The following GNA14 variants were observed in gnomAD, a reference collection of about 807,000 sequenced individuals.
The protein encoded by GNA14 is guanine nucleotide-binding protein subunit alpha-14.
A neutral mutation model predicts 42.0 loss-of-function variants in GNA14; 50 were observed. The observed-to-expected ratio is 1.19, with a 90% CI of 0.95 to 1.51. The LOEUF (loss-of-function observed/expected upper bound fraction) is 1.51, where lower values mean the gene tolerates loss of function less well. Ranked by LOEUF, GNA14 falls within the 40% of genes most tolerant of loss-of-function variation. GNA14 has a pLI of 0.00. For missense variants in GNA14, 473 were observed against 446.2 expected (o/e 1.06, Z -0.54); for synonymous variants, 173 against 163.1 (o/e 1.06, Z -0.46).
chr9:77,638,323 T>C (rs1824212949), intron 1 of GNA14, among the ~76,000 whole-genome samples: 1 of 152,162 alleles, frequency 6.6e-6, no homozygotes, highest in East Asian at 1.9e-4. Context: ...GAATATCAGG[T>C]CAATTCCAAG....
chr9:77,488,978 T>C (rs35860885), intron 2 of GNA14, among the ~76,000 whole-genome samples: 2,587 of 152,186 alleles, frequency 0.017, 34 homozygotes, highest in South Asian at 0.035. Flanking sequence ...ACAAACCGTC[T>C]GACCAAGAAT....
At chr9:77,631,183 T>C (rs1824093565) in intron 1 of GNA14, among the ~76,000 whole-genome samples, 1 of 152,170 alleles carries the variant, frequency 6.6e-6, no homozygotes, top group African/African-American at 2.4e-5. Context: ...ACACCTTACT[T>C]CCATCTTATG....
At chr9:77,507,492 A>G (rs535782869) in intron 2 of GNA14, among the ~76,000 whole-genome samples, 1 of 152,268 alleles carries the variant, frequency 6.6e-6, no homozygotes, top group South Asian at 2.1e-4. Flanking sequence ...AGAAAATGTC[A>G]CCGTCAAAGC....
chr9:77,618,603 TA>T (rs1207065742), intron 1 of GNA14, among the ~76,000 whole-genome samples: 11 of 12,260 alleles, frequency 9.0e-4, no homozygotes, highest in Non-Finnish European at 1.4e-3. Flanking sequence ...TATATATATA[TA>T]TATATATATA....
At chr9:77,585,837 C>A (rs1459635447) in intron 1 of GNA14, among the ~76,000 whole-genome samples, 2 of 152,312 alleles carry the variant, frequency 1.3e-5, no homozygotes, top group Non-Finnish European at 2.9e-5. Flanking sequence ...TTCCAGAATT[C>A]CCTCTTGGGC....
intron 2 of GNA14, among the ~76,000 whole-genome samples, chr9:77,438,330 G>A (rs1246682515): frequency 2.0e-5 from 3 of 151,884 alleles, no homozygotes; most frequent in Admixed American, 1.3e-4. Context: ...ACAACGGCGC[G>A]ATCTCAGCTC....
intron 1 of GNA14, among the ~76,000 whole-genome samples, chr9:77,631,469 A>T (rs1291553782): frequency 1.7e-3 from 3 of 1,728 alleles, no homozygotes; most frequent in Admixed American, 9.4e-3. Flanking sequence ...TTTTTATGTA[A>T]AAAAAAAAAA....
chr9:77,496,902 C>T (rs187360301), intron 2 of GNA14, among the ~76,000 whole-genome samples: 1 of 152,252 alleles, frequency 6.6e-6, no homozygotes, highest in Admixed American at 6.5e-5. Flanking sequence ...GCTTTTGTAC[C>T]CATTATCCTG....
rs114941674 is a variant in GNA14 at position 77,441,246 on chromosome 9, C to T, written c.310-6724G>A. 7.5e-3 allele frequency among the ~76,000 whole-genome samples: 1,140 copies of T among 152,222 alleles called. 10 individuals are homozygous for T. The highest frequency in any genetic ancestry group is 0.026 in the African/African-American group (1,084 of 41,510). On this transcript the variant is annotated intron_variant, in intron 2 of 6. Coordinates refer to ENST00000341700, the MANE Select transcript of GNA14 (RefSeq NM_004297.4). ...GTGGGAGGTGATTGGATGATGGGGG[C>T]GGTTTCTCCCATGCTGTTCTCGTGA...
rs979326980 is a variant in GNA14 at position 77,569,326 on chromosome 9, T to G, written c.125-40073A>C. 1.1e-4 allele frequency among the ~76,000 whole-genome samples: 17 copies of G among 152,166 alleles called. No homozygotes were observed. In the South Asian group the frequency reaches 1.7e-3, roughly 15 times the overall value. ...ATGCAGTCCTATTAGCACAGCAGTA[T>G]AGGCAGAGAGATCATTGGCATTTGG... On this transcript the variant is annotated intron_variant, in intron 1 of 6. Transcript: ENST00000341700.
intron 1 of GNA14, among the ~76,000 whole-genome samples, chr9:77,636,018 G>T (rs528451694): frequency 1.3e-5 from 2 of 152,128 alleles, no homozygotes; most frequent in Admixed American, 6.5e-5. Context: ...TGCTATAAAG[G>T]TTTCTAAACA....
chr9:77,579,425 C>T (rs1014607455), intron 1 of GNA14, among the ~76,000 whole-genome samples: 7 of 152,212 alleles, frequency 4.6e-5, no homozygotes, highest in Admixed American at 2.6e-4. Flanking sequence ...GCTGCTTGTC[C>T]GAGCTGATAC....
At chr9:77,567,232 C>T (rs1180794459) in intron 1 of GNA14, among the ~76,000 whole-genome samples, 2 of 152,086 alleles carry the variant, frequency 1.3e-5, no homozygotes, top group African/African-American at 4.8e-5. Context: ...GATTATTGAC[C>T]TACTCCAATT....
intron 3 of GNA14, 23 bp downstream of exon 3, chr9:77,434,345 G>T (rs1054898271): frequency 1.3e-6 from 2 of 1,589,844 alleles, no homozygotes; most frequent in Non-Finnish European, 1.7e-6. Flanking sequence ...ACCGCGGGCG[G>T]CCAGGGTGGG....
At chr9:77,559,465 C>T (rs73460090) in intron 1 of GNA14, among the ~76,000 whole-genome samples, 6,625 of 152,262 alleles carry the variant, frequency 0.044, 155 homozygotes, top group South Asian at 0.052. Context: ...AGGGTGTCTA[C>T]ACCCTGACAC....
chr9:77,622,218 CAT>C (rs1452522772), intron 1 of GNA14, among the ~76,000 whole-genome samples: 2 of 152,332 alleles, frequency 1.3e-5, no homozygotes, highest in Non-Finnish European at 2.9e-5. Flanking sequence ...GAAATGACCT[CAT>C]GTGCACACAG....
At chr9:77,630,899 C>A (rs1413122188) in intron 1 of GNA14, among the ~76,000 whole-genome samples, 1 of 152,138 alleles carries the variant, frequency 6.6e-6, no homozygotes, top group Non-Finnish European at 1.5e-5. Context: ...CACTGCTCAC[C>A]AGCTGGCCCA....
chr9:77,528,362 TA>T (rs1217067340), intron 2 of GNA14, among the ~76,000 whole-genome samples: 1 of 152,184 alleles, frequency 6.6e-6, no homozygotes, highest in Non-Finnish European at 1.5e-5. Context: ...TCTAGTTGCT[TA>T]ATGAACTCAG....
At chr9:77,529,714 G>A (rs1402722571) in intron 1 of GNA14, among the ~76,000 whole-genome samples, 1 of 152,160 alleles carries the variant, frequency 6.6e-6, no homozygotes, top group African/African-American at 2.4e-5. Context: ...TCCCAGAGGT[G>A]CCAAATGTCT....
Sources: allele counts gnomAD v4.1 joint callset (sites outside exome capture counted in the v4.1 genomes callset), GRCh38; gene constraint gnomAD v4.1.1; transcripts MANE v1.5; gene names NCBI Gene and HGNC (gene_info 2026-07-23, HGNC 2026-07-21).